The following MRTFA variants were observed in gnomAD, a reference collection of about 807,000 sequenced individuals.
MRTFA encodes the protein myocardin related transcription factor A.
MRTFA carries 20 observed loss-of-function variants against 83.5 expected under a neutral mutation model. The ratio of observed to expected loss-of-function variants is 0.24; its 90% CI spans 0.17 to 0.35. The LOEUF (loss-of-function observed/expected upper bound fraction) is 0.35. MRTFA is among the 10% of genes least tolerant of loss of function. MRTFA has a pLI of 1.00. For missense variants in MRTFA, 1,200 were observed against 1,224.7 expected (o/e 0.98, Z 0.30); for synonymous variants, 659 against 541.2 (o/e 1.22, Z -3.02).
At chr22:40,618,199 C>G (rs1195947419) in intron 1 of MRTFA, among the ~76,000 whole-genome samples, 1 of 151,342 alleles carries the variant, frequency 6.6e-6, no homozygotes, top group Non-Finnish European at 1.5e-5. Flanking sequence ...CTCAGCCTCC[C>G]GAGTAGCTGG....
intron 3 of MRTFA, among the ~76,000 whole-genome samples, chr22:40,537,767 T>TG (rs1364550478): frequency 2.5e-3 from 45 of 17,734 alleles, no homozygotes; most frequent in Non-Finnish European, 3.1e-3. Flanking sequence ...GGGAGGGAGG[T>TG]GGGGGGGTCA....
intron 7 of MRTFA, 102 bp downstream of exon 7, chr22:40,429,504 T>C: frequency 7.3e-7 from 1 of 1,363,752 alleles, no homozygotes; most frequent in East Asian, 2.4e-5. Flanking sequence ...AAGTCAAAGA[T>C]TAAGAAGTCA....
At chr22:40,429,430 G>A (rs2053022243) in intron 7 of MRTFA, 176 bp downstream of exon 7, 1 of 750,554 alleles carries the variant, frequency 1.3e-6, no homozygotes, top group African/African-American at 1.7e-5. Flanking sequence ...ACTATCCCAA[G>A]TTCATACAAC....
At chr22:40,412,065 T>G (rs927509470) in intron 14 of MRTFA, 158 bp from the exon 15 acceptor site, 2 of 528,246 alleles carry the variant, frequency 3.8e-6, no homozygotes, top group East Asian at 6.8e-5. Context: ...TAAAACTCTT[T>G]AAAAATATTT....
chr22:40,489,123 T>C (rs1000979088), intron 3 of MRTFA, among the ~76,000 whole-genome samples: 59 of 152,268 alleles, frequency 3.9e-4, no homozygotes, highest in Middle Eastern at 3.4e-3. Context: ...ATATTAAGAA[T>C]TTATAATAAT....
At chr22:40,577,849 G>A (rs1328139969) in intron 2 of MRTFA, among the ~76,000 whole-genome samples, 4 of 150,830 alleles carry the variant, frequency 2.7e-5, no homozygotes, top group South Asian at 2.1e-4. Context: ...CAGGTGATTC[G>A]CCAGCCTCAG....
chr22:40,526,717 G>C (rs2054980674), intron 3 of MRTFA: 1 of 152,174 alleles, frequency 6.6e-6, no homozygotes, highest in Non-Finnish European at 1.5e-5. Flanking sequence ...CTTACTGTGT[G>C]TCCTTAAGCT....
intron 1 of MRTFA, among the ~76,000 whole-genome samples, chr22:40,604,353 A>G (rs113811130): frequency 0.034 from 5,182 of 151,680 alleles, 131 homozygotes; most frequent in Middle Eastern, 0.075. Flanking sequence ...GATGGTCTCA[A>G]TCTCCTGACC....
intron 3 of MRTFA, among the ~76,000 whole-genome samples, chr22:40,473,839 A>C (rs982299574): frequency 2.0e-5 from 3 of 152,206 alleles, no homozygotes; most frequent in Non-Finnish European, 4.4e-5. Flanking sequence ...AAATTGTAAA[A>C]CCACATGGCC....
At chr22:40,550,301 G>A (rs535140092) in intron 3 of MRTFA, among the ~76,000 whole-genome samples, 1 of 151,488 alleles carries the variant, frequency 6.6e-6, no homozygotes, top group Non-Finnish European at 1.5e-5. Flanking sequence ...CTAAAATCAT[G>A]GAAAATTAAA....
intron 3 of MRTFA, among the ~76,000 whole-genome samples, chr22:40,530,588 C>T (rs1054057111): frequency 6.6e-6 from 1 of 152,226 alleles, no homozygotes; most frequent in Non-Finnish European, 1.5e-5. Flanking sequence ...TGCGCCACCG[C>T]GCCCGGCCCC....
Position 40,536,414 on chromosome 22 carries a change from G to A in MRTFA, c.241+15692C>T, listed in dbSNP as rs544023003. ...GCCGCGGCGCCGGCGAGCGCCGCCCGGGAGGCAGCGGCTGGAGGAGCGGAC... is the reference window on the plus strand; with the variant it reads ...GCCGCGGCGCCGGCGAGCGCCGCCCAGGAGGCAGCGGCTGGAGGAGCGGAC... On this transcript the variant is annotated intron_variant, in intron 3 of 14. Coordinates refer to ENST00000355630, the MANE Select transcript of MRTFA (RefSeq NM_020831.6). Among the ~76,000 whole-genome samples the A allele has an allele frequency of 7.3e-3, 1,092 of 150,146 alleles. 15 individuals carry two copies. The highest frequency in any genetic ancestry group is 0.072 in the Middle Eastern group (21 of 292).
chr22:40,431,066 C>T (rs1213688009), intron 6 of MRTFA, among the ~76,000 whole-genome samples: 2 of 152,150 alleles, frequency 1.3e-5, no homozygotes, highest in African/African-American at 4.8e-5. Flanking sequence ...TTAGATCAGG[C>T]ATGGTGGCTT....
chr22:40,453,975 G>A (rs1387252740), intron 4 of MRTFA, among the ~76,000 whole-genome samples: 1 of 152,224 alleles, frequency 6.6e-6, no homozygotes, highest in East Asian at 1.9e-4. Context: ...TGATAGTCCT[G>A]CTAATATATG....
At chr22:40,510,758 G>A (rs1456659221) in intron 3 of MRTFA, among the ~76,000 whole-genome samples, 1 of 152,168 alleles carries the variant, frequency 6.6e-6, no homozygotes, top group Non-Finnish European at 1.5e-5. Flanking sequence ...GGAGAGCACA[G>A]CAGAAGGGGC....
chr22:40,497,996 T>A (rs1213783938), intron 3 of MRTFA, among the ~76,000 whole-genome samples: 1 of 150,698 alleles, frequency 6.6e-6, no homozygotes, highest in South Asian at 2.1e-4. Context: ...AAATATTAGA[T>A]GGGTGTAGTG....
intron 4 of MRTFA, 150 bp downstream of exon 4, chr22:40,463,071 C>G (rs951796911): frequency 2.0e-5 from 14 of 714,334 alleles, no homozygotes; most frequent in Non-Finnish European, 2.5e-6. Context: ...AGTGATTGAG[C>G]TCTAAACTTG....
chr22:40,510,189 A>G (rs1478921759), intron 3 of MRTFA, among the ~76,000 whole-genome samples: 1 of 152,174 alleles, frequency 6.6e-6, no homozygotes, highest in Non-Finnish European at 1.5e-5. Flanking sequence ...ATAATTTACA[A>G]TAACTAGGAC....
chr22:40,569,752 CATACATA>C (rs2055759402), intron 2 of MRTFA: 2 of 151,842 alleles, frequency 1.3e-5, no homozygotes, highest in African/African-American at 4.9e-5. Context: ...TACATACATA[CATACATA>C]CATACATACA....
Sources: allele counts gnomAD v4.1 joint callset (sites outside exome capture counted in the v4.1 genomes callset), GRCh38; gene constraint gnomAD v4.1.1; transcripts MANE v1.5; gene names NCBI Gene and HGNC (gene_info 2026-07-23, HGNC 2026-07-21).